ETV6: variants seen among roughly 807,000 people sequenced by gnomAD.
ETV6 encodes the protein ETS variant transcription factor 6.
ETV6 carries 16 observed loss-of-function variants against 51.1 expected under a neutral mutation model. That is an observed-to-expected ratio of 0.31 (90% CI 0.21 to 0.48). The LOEUF is 0.48. Ranked by LOEUF, ETV6 falls within the 20% of genes least tolerant of loss-of-function variation. The probability of loss-of-function intolerance (pLI) is 0.99; values close to 1 mark genes in which losing one functional copy is unlikely to be tolerated. For missense variants in ETV6, 458 were observed against 594.8 expected (o/e 0.77, Z 2.39); for synonymous variants, 240 against 224.1 (o/e 1.07, Z -0.64).
At chr12:11,793,010 T>G (rs1381685205) in intron 2 of ETV6, among the ~76,000 whole-genome samples, 1 of 152,058 alleles carries the variant, frequency 6.6e-6, no homozygotes, top group African/African-American at 2.4e-5. Context: ...ATGACGAAAT[T>G]CACATCCACT....
At chr12:11,667,802 A>G (rs1226553560) in intron 1 of ETV6, among the ~76,000 whole-genome samples, 5 of 146,334 alleles carry the variant, frequency 3.4e-5, no homozygotes, top group African/African-American at 7.6e-5. Context: ...TCCCAGGCTC[A>G]AGCAGTTCCT....
At position 11,783,993 on chromosome 12, in the gene ETV6, A is replaced by T. The variant is rs150350597; in HGVS notation, c.163+31414A>T. On this transcript the variant is annotated intron_variant, in intron 2 of 7. Coordinates refer to ENST00000396373, the MANE Select transcript of ETV6 (RefSeq NM_001987.5). Reference sequence around the variant, plus strand: ...TCCCAGTGGGAGGCCTGGAGTTTGTATTGATACTAATTTGTCTGTCTGTGT... The same window carrying T: ...TCCCAGTGGGAGGCCTGGAGTTTGTTTTGATACTAATTTGTCTGTCTGTGT... Among the ~76,000 whole-genome samples the T allele has an allele frequency of 4.7e-4, 71 of 152,080 alleles. 1 individual carries two copies. In the South Asian group the frequency reaches 6.8e-3, roughly 15 times the overall value.
chr12:11,782,796 C>A (rs891571604), intron 2 of ETV6, among the ~76,000 whole-genome samples: 22 of 152,246 alleles, frequency 1.4e-4, no homozygotes, highest in African/African-American at 5.3e-4. Context: ...TATAAGATAA[C>A]CTCAGGTGTG....
chr12:11,671,722 T>C (rs552238811), intron 1 of ETV6, among the ~76,000 whole-genome samples: 2 of 152,256 alleles, frequency 1.3e-5, no homozygotes, highest in Admixed American at 6.5e-5. Flanking sequence ...CTACTGAAGG[T>C]CCCAAGGCTA....
At chr12:11,687,815 A>G (rs536534290) in intron 1 of ETV6, among the ~76,000 whole-genome samples, 1 of 152,336 alleles carries the variant, frequency 6.6e-6, no homozygotes, top group South Asian at 2.1e-4. Context: ...GTGTGTGATC[A>G]GTGCCAAATG....
intron 1 of ETV6, among the ~76,000 whole-genome samples, chr12:11,717,127 C>T (rs1426652004): frequency 6.6e-6 from 1 of 152,184 alleles, no homozygotes; most frequent in Admixed American, 6.5e-5. Flanking sequence ...GTATTCCTTC[C>T]TGCATCGTAT....
Position 11,763,710 on chromosome 12 carries a change from G to A in ETV6, c.163+11131G>A, listed in dbSNP as rs954342046. ...CTGTGATTATTCCTACTACTGTGAC[G>A]ATTCCTGCCACCCCAGTGATCGGGG... On this transcript the variant is annotated intron_variant, in intron 2 of 7. Coordinates refer to ENST00000396373, the MANE Select transcript of ETV6 (RefSeq NM_001987.5). 5.3e-5 allele frequency among the ~76,000 whole-genome samples: 8 copies of A among 152,196 alleles called. No individual in the cohort carries two copies. In the East Asian group the frequency reaches 1.3e-3, roughly 26 times the overall value.
intron 2 of ETV6, among the ~76,000 whole-genome samples, chr12:11,814,593 G>T (rs1945964389): frequency 6.6e-6 from 1 of 152,174 alleles, no homozygotes; most frequent in Admixed American, 6.5e-5. Flanking sequence ...TTCAGAGGCT[G>T]GCATAGCTTA....
intron 1 of ETV6, among the ~76,000 whole-genome samples, chr12:11,708,437 T>G (rs1230157599): frequency 6.6e-6 from 1 of 152,178 alleles, no homozygotes; most frequent in Admixed American, 6.5e-5. Context: ...GTGCTGTAAC[T>G]GCGTTTTCTT....
intron 2 of ETV6, among the ~76,000 whole-genome samples, chr12:11,786,375 C>T (rs565411143): frequency 3.3e-5 from 5 of 150,688 alleles, no homozygotes; most frequent in African/African-American, 4.9e-5. Flanking sequence ...GATATATATA[C>T]GCTAATTCAG....
chr12:11,831,251 A>C (rs573836982), intron 2 of ETV6, among the ~76,000 whole-genome samples: 39 of 152,264 alleles, frequency 2.6e-4, no homozygotes, highest in Non-Finnish European at 2.9e-4. Context: ...TTTGAAATAG[A>C]GTCTCACTCT....
intron 1 of ETV6, among the ~76,000 whole-genome samples, chr12:11,671,994 CTT>C (rs35974807): frequency 1.4e-4 from 20 of 139,908 alleles, no homozygotes; most frequent in African/African-American, 1.6e-4. Context: ...GGATCTGATC[CTT>C]TTTTTTTTTT....
At chr12:11,665,937 C>T (rs1282046355) in intron 1 of ETV6, among the ~76,000 whole-genome samples, 2 of 152,212 alleles carry the variant, frequency 1.3e-5, no homozygotes, top group Non-Finnish European at 2.9e-5. Context: ...CTGGATGTGC[C>T]AGAAACAGCA....
At chr12:11,725,474 T>G (rs889452973) in intron 1 of ETV6, among the ~76,000 whole-genome samples, 1 of 152,232 alleles carries the variant, frequency 6.6e-6, no homozygotes, top group South Asian at 2.1e-4. Flanking sequence ...AGGCAATATA[T>G]ATTTTAAAAA....
At chr12:11,658,143 C>T (rs1484409911) in intron 1 of ETV6, among the ~76,000 whole-genome samples, 1 of 152,222 alleles carries the variant, frequency 6.6e-6, no homozygotes, top group Non-Finnish European at 1.5e-5. Flanking sequence ...CTTTATACAT[C>T]CTCCATAACA....
chr12:11,836,185 C>G (rs914479972), intron 2 of ETV6, among the ~76,000 whole-genome samples: 3 of 152,048 alleles, frequency 2.0e-5, no homozygotes, highest in Non-Finnish European at 4.4e-5. Context: ...GGCTTTTTCC[C>G]CCCTCAATTC....
At chr12:11,683,391 A>G (rs1864569784) in intron 1 of ETV6, among the ~76,000 whole-genome samples, 2 of 152,228 alleles carry the variant, frequency 1.3e-5, no homozygotes, top group African/African-American at 2.4e-5. Context: ...TTCATAGGTA[A>G]CACATAGACT....
At chr12:11,806,596 T>C (rs1367936275) in intron 2 of ETV6, among the ~76,000 whole-genome samples, 1 of 152,210 alleles carries the variant, frequency 6.6e-6, no homozygotes, top group African/African-American at 2.4e-5. Flanking sequence ...AAAAGTTTCC[T>C]GACAATGTGT....
In ETV6 at chr12:11,720,793, C is replaced by T. The variant is rs182340282; in HGVS notation, c.34-31657C>T. Among the ~76,000 whole-genome samples the T allele has an allele frequency of 4.6e-5, 7 of 152,112 alleles. No individual in the cohort carries two copies. In the South Asian group the frequency reaches 6.2e-4, roughly 14 times the overall value. ...ATCAACAGAGTAAACAGCAACCTAC[C>T]GAATGGGAGAAAATATTTGCAAACT... On this transcript the variant is annotated intron_variant, in intron 1 of 7. Transcript: ENST00000396373.
Sources: gnomAD v4.1 joint callset for allele counts (sites outside exome capture counted in the v4.1 genomes callset) on GRCh38, gnomAD v4.1.1 for gene constraint, MANE v1.5 for transcripts, NCBI Gene and HGNC (gene_info 2026-07-23, HGNC 2026-07-21) for gene names.